Variants in GPM6B observed in about 807,000 individuals in gnomAD.
GPM6B encodes glycoprotein M6B, also known as neuronal membrane glycoprotein M6-b.
Under a neutral mutation model 27.2 loss-of-function variants are expected in GPM6B, and 4 were observed. The ratio of observed to expected loss-of-function variants is 0.15; its 90% CI spans 0.07 to 0.34. The LOEUF (loss-of-function observed/expected upper bound fraction) is 0.34, where lower values mean the gene tolerates loss of function less well. Ranked by LOEUF, GPM6B falls within the 10% of genes least tolerant of loss-of-function variation. The pLI is 1.00. For synonymous variants in GPM6B, 124 were observed against 103.1 expected (o/e 1.20, Z -1.23); for missense variants, 183 against 261.9 (o/e 0.70, Z 2.08).
chrX:13,777,280 T>C, intron 6 of GPM6B, 72 bp downstream of exon 6: 1 of 753,896 alleles, frequency 1.3e-6, no homozygotes, highest in East Asian at 3.2e-5. Context: ...TCTCTCGCTC[T>C]TTCTACAGCT....
intron 1 of GPM6B, among the ~76,000 whole-genome samples, chrX:13,890,433 T>C (rs1175342480): frequency 8.9e-6 from 1 of 111,867 alleles, no homozygotes; most frequent in Non-Finnish European, 1.9e-5. Flanking sequence ...CTTTACTCTA[T>C]GGACTCGCCC....
chrX:13,775,982 C>A (rs1453191433), intron 7 of GPM6B, among the ~76,000 whole-genome samples: 2 of 112,739 alleles, frequency 1.8e-5, no homozygotes, highest in Non-Finnish European at 3.7e-5. Context: ...AGGTAATATG[C>A]TAGGCCTAGT....
chrX:13,870,878 T>A (rs1410335642), intron 1 of GPM6B, among the ~76,000 whole-genome samples: 1 of 106,846 alleles, frequency 9.4e-6, no homozygotes, highest in Non-Finnish European at 1.9e-5. Flanking sequence ...TAGACCAGGC[T>A]GGGTAACATA....
At chrX:13,879,317 CA>C (rs1252693606) in intron 1 of GPM6B, among the ~76,000 whole-genome samples, 1 of 112,163 alleles carries the variant, frequency 8.9e-6, no homozygotes, top group Non-Finnish European at 1.9e-5. Flanking sequence ...ATGAGCCACC[CA>C]GGGGTTAAAA....
At chrX:13,844,364 T>G (rs1053030112) in intron 1 of GPM6B, among the ~76,000 whole-genome samples, 14 of 112,283 alleles carry the variant, frequency 1.2e-4, no homozygotes, top group African/African-American at 4.5e-4. Context: ...GTTGATTATG[T>G]TATTAATAAA....
chrX:13,796,131 G>T (rs939877634), intron 2 of GPM6B, among the ~76,000 whole-genome samples: 1 of 111,177 alleles, frequency 9.0e-6, no homozygotes, highest in Non-Finnish European at 1.9e-5. Flanking sequence ...CTCCATGTTG[G>T]TCAGGCTGGT....
At position 13,866,576 on chromosome X, in the gene GPM6B, G is replaced by A. The variant is rs761892061; in HGVS notation, c.-198+71751C>T. 3.4e-3 allele frequency among the ~76,000 whole-genome samples: 375 copies of A among 111,803 alleles called. 3 individuals carry two copies. Among genetic ancestry groups the A allele is most frequent in the South Asian group, 6.4e-3 (17 of 2,671 alleles). On this transcript the variant is annotated intron_variant, in intron 1 of 6. Coordinates refer to the GPM6B transcript ENST00000398361. ...TACCCTGATTTGATCATTACACAAT[G>A]CATTAATGTACAGAAATATCACATT...
At chrX:13,787,683 T>G (rs1206240271) in intron 2 of GPM6B, among the ~76,000 whole-genome samples, 8 of 112,608 alleles carry the variant, frequency 7.1e-5, no homozygotes. Flanking sequence ...TTTTGTCACA[T>G]GACTTTCTGG....
At chrX:13,822,874 A>T (rs1343346552) in intron 1 of GPM6B, among the ~76,000 whole-genome samples, 1 of 112,072 alleles carries the variant, frequency 8.9e-6, no homozygotes, top group Non-Finnish European at 1.9e-5. Flanking sequence ...GATGTTAAAA[A>T]TGCTGCATAC....
In GPM6B at chrX:13,776,292, G is replaced by A; in HGVS notation, c.783C>T (p.Ser261=). The A allele has an allele frequency of 6.6e-6, 8 of 1,205,150 alleles. No individual in the cohort carries two copies. Among genetic ancestry groups the A allele is most frequent in the Non-Finnish European group, 9.0e-6 (8 of 890,261 alleles). Residue 261 remains serine, a synonymous_variant, in exon 7 of 8, where the codon TCC becomes TCT. Coordinates refer to ENST00000316715, the MANE Select transcript of GPM6B (RefSeq NM_001001995.3). ...NICNTNEFYM[S]YHLFIVACAG... is the part of the protein sequence containing the mutation. ...CACAGGCCACAATGAACAGGTGATA[G>A]GACATGTAGAACTACAAAAGAACAG...
intron 1 of GPM6B, among the ~76,000 whole-genome samples, chrX:13,871,388 T>C (rs1167651049): frequency 3.6e-5 from 4 of 112,418 alleles, no homozygotes; most frequent in Non-Finnish European, 7.5e-5. Flanking sequence ...CCCAGGTTAC[T>C]CTCTGAGGTC....
At chrX:13,845,935 G>A (rs747221083) in intron 1 of GPM6B, among the ~76,000 whole-genome samples, 3 of 112,239 alleles carry the variant, frequency 2.7e-5, no homozygotes, top group East Asian at 5.6e-4. Context: ...GTAGGAGGTT[G>A]TGTCCTACTG....
At chrX:13,773,133 A>G in intron 7 of GPM6B, 103 bp from the exon 8 acceptor site, 1 of 655,817 alleles carries the variant, frequency 1.5e-6, no homozygotes, top group Non-Finnish European at 2.3e-6. Flanking sequence ...GCGAAGGTTA[A>G]TTCTGTATTA....
chrX:13,775,041 T>C lies in GPM6B; in HGVS notation c.837+1197A>G, dbSNP rs138401585. 4.3e-3 allele frequency among the ~76,000 whole-genome samples: 476 copies of C among 111,898 alleles called. 1 individual carries two copies. Among genetic ancestry groups the C allele is most frequent in the African/African-American group, 0.015 (454 of 30,783 alleles). On this transcript the variant is annotated intron_variant, in intron 7 of 7. Transcript: ENST00000316715. ...TTTTAAAGGTGGTTTTTTTCATAGA[T>C]TCTAAGGGGATTTAATGGTCAGAAA...
rs5901522 is a variant in GPM6B at position 13,886,719 on chromosome X, T to TAAAAAAAAAAAAAAAAAA, written c.-198+51590_-198+51607dup. Among the ~76,000 whole-genome samples, 255 of 35,081 alleles carry TAAAAAAAAAAAAAAAAAA rather than the reference T, an allele frequency of 7.3e-3. 55 individuals are homozygous for TAAAAAAAAAAAAAAAAAA. The highest frequency in any genetic ancestry group is 0.039 in the African/African-American group (199 of 5,137). The allele number at this position is 35,081 out of a possible 115,157, so 30.5% of individuals were successfully genotyped here. A position where few individuals can be genotyped will look rare whatever the true frequency, so the allele number is the denominator to read the frequency against. ...ACCTCTCTCTACCTTAAGTCACTACTAAAAAAAAAAAAAAAAAAAAAAATC... is the reference window on the plus strand; with the variant it reads ...ACCTCTCTCTACCTTAAGTCACTACTAAAAAAAAAAAAAAAAAAAAAAAAAAAAAAAAAAAAAAAAATC... On this transcript the variant is annotated intron_variant, in intron 1 of 6. Transcript: ENST00000398361.
intron 1 of GPM6B, among the ~76,000 whole-genome samples, chrX:13,816,348 G>A (rs189432666): frequency 2.8e-4 from 31 of 110,659 alleles, no homozygotes; most frequent in African/African-American, 8.6e-4. Context: ...ATTACATGTC[G>A]TAGTCAGGGC....
intron 1 of GPM6B, among the ~76,000 whole-genome samples, chrX:13,823,471 G>A (rs1381885444): frequency 9.0e-6 from 1 of 110,724 alleles, no homozygotes; most frequent in Non-Finnish European, 1.9e-5. Flanking sequence ...AAGCCAACTT[G>A]AGTTGTAATG....
chrX:13,804,427 G>T lies in GPM6B; in HGVS notation c.181+3223C>A, dbSNP rs777330695. On this transcript the variant is annotated intron_variant, in intron 2 of 7. Transcript: ENST00000316715. Reference sequence around the variant, plus strand: ...CAGCATCATGGACGGCGGGGGGGGCGGGGGGCGGGGGTAGCCCATGTGGTC... The same window carrying T: ...CAGCATCATGGACGGCGGGGGGGGCTGGGGGCGGGGGTAGCCCATGTGGTC... Among the ~76,000 whole-genome samples the T allele has an allele frequency of 7.8e-3, 580 of 74,548 alleles. 20 individuals carry two copies. The highest frequency in any genetic ancestry group is 0.029 in the African/African-American group (556 of 18,891). The allele number at this position is 74,548 out of a possible 115,157, so 64.7% of individuals were successfully genotyped here. A position where few individuals can be genotyped will look rare whatever the true frequency, so the allele number is the denominator to read the frequency against.
intron 1 of GPM6B, among the ~76,000 whole-genome samples, chrX:13,919,130 G>A (rs1309529889): frequency 8.9e-6 from 1 of 111,961 alleles, no homozygotes; most frequent in Non-Finnish European, 1.9e-5. Flanking sequence ...CAGTCTGGAG[G>A]TGGGATGGAA....
Sources: gnomAD v4.1 joint callset for allele counts (sites outside exome capture counted in the v4.1 genomes callset) on GRCh38, gnomAD v4.1.1 for gene constraint, MANE v1.5 for transcripts, NCBI Gene and HGNC (gene_info 2026-07-23, HGNC 2026-07-21) for gene names.